Variants in KLHL33 observed in about 807,000 individuals in gnomAD.
The protein encoded by KLHL33 is kelch like family member 33, also known as kelch-like protein 33.
In KLHL33, 46 loss-of-function variants were observed where a neutral mutation model predicts 60.8. That is an observed-to-expected ratio of 0.76 (90% CI 0.60 to 0.97). The LOEUF is 0.97. Ranked by LOEUF, KLHL33 falls within the 50% of genes least tolerant of loss-of-function variation. The probability of loss-of-function intolerance (pLI) is 0.00; values close to 1 mark genes in which losing one functional copy is unlikely to be tolerated. For synonymous variants in KLHL33, 434 were observed against 432.2 expected, an observed-to-expected ratio of 1.00 and a Z score of -0.05; for missense variants, 1,055 against 1,000.0, an observed-to-expected ratio of 1.05 and a Z score of -0.74.
Position 20,435,616 on chromosome 14 carries a change from G to T in KLHL33, c.196C>A (p.Pro66Thr), listed in dbSNP as rs1342521910. 1.6e-6 allele frequency: 2 copies of T among 1,234,568 alleles called. No individual in the cohort carries two copies. Among genetic ancestry groups the T allele is most frequent in the Non-Finnish European group, 2.0e-6 (2 of 988,352 alleles). 76.5% of individuals were successfully genotyped at this position (1,234,568 alleles called of 1,614,324 possible). ...TCCTCTAGGGACAAGGCTGGAAAGG[G>T]AAGGTTCCTTGGGACCAGGGGCCTG... Reference protein sequence around the residue: ...GSRPLVPRNLPFPALSLEEEE... With the variant: ...GSRPLVPRNLTFPALSLEEEE... Residue 66 changes from proline to threonine, a missense_variant, in exon 2 of 5, where the codon CCC becomes ACC. Coordinates refer to ENST00000636854, the MANE Select transcript of KLHL33 (RefSeq NM_001365790.2).
At chr14:20,431,609 TC>T (rs1880511376) in intron 2 of KLHL33, among the ~76,000 whole-genome samples, 1 of 152,142 alleles carries the variant, frequency 6.6e-6, no homozygotes, top group Admixed American at 6.5e-5. Flanking sequence ...GCGCCTGTAA[TC>T]CCAGCTACTT....
Position 20,428,884 on chromosome 14 carries a change from C to A in KLHL33, c.2359G>T (p.Val787Phe), listed in dbSNP as rs1566498481. 1 of 1,551,664 alleles carries A rather than the reference C, an allele frequency of 6.4e-7. No homozygotes were observed. Among genetic ancestry groups the A allele is most frequent in the East Asian group, 2.4e-5 (1 of 40,924 alleles). ...GGTTTGGTTTGGTGTGGGGTGGGAA[C>A]CAAAGCTATGTGCTGCACAGCGGGC... ...TLPAVQHIAL[V>F]PTPHQTKPAG The change falls in exon 5 of 5, where the codon GTT (valine) becomes TTT (phenylalanine). Residue 787 changes from valine to phenylalanine, a missense_variant. Physicochemically the swap from Val to Phe is conservative, Grantham distance 50. Transcript: ENST00000636854.
chr14:20,430,791 T>TACTCGAAGTTTGGCCAA, intron 2 of KLHL33, 72 bp from the exon 3 acceptor site: 1 of 1,041,746 alleles, frequency 9.6e-7, no homozygotes, highest in Non-Finnish European at 1.4e-6. Flanking sequence ...CCCAACTTGG[T>TACTCGAAGTTTGGCCAA]ACTCTAAGTT....
At position 20,435,299 on chromosome 14, in the gene KLHL33, C is replaced by T. The variant is rs1880650654; in HGVS notation, c.513G>A (p.Gly171=). The T allele has an allele frequency of 8.1e-7, 1 of 1,234,450 alleles. No homozygotes were observed. The highest frequency in any genetic ancestry group is 1.0e-6 in the Non-Finnish European group (1 of 988,226). 76.5% of individuals were successfully genotyped at this position (1,234,450 alleles called of 1,614,324 possible). Residue 171 remains glycine, a synonymous_variant, in exon 2 of 5, where the codon GGG becomes GGA. Coordinates refer to ENST00000636854, the MANE Select transcript of KLHL33 (RefSeq NM_001365790.2). ...CCCCCTGCGAGGCGGGGCCCAGCAC[C>T]CCCTCATAGGCAAAGGTCAGCACGG... is the stretch of plus-strand genomic sequence containing the variant. ...WEAVLTFAYE[G]VLGPASQGDV... is the part of the protein sequence containing the mutation.
chr14:20,432,406 C>T (rs1006522591), intron 2 of KLHL33, among the ~76,000 whole-genome samples: 1 of 151,652 alleles, frequency 6.6e-6, no homozygotes, highest in African/African-American at 2.4e-5. Context: ...AGCCACTATG[C>T]CTGGCCCAGG....
intron 2 of KLHL33, among the ~76,000 whole-genome samples, chr14:20,432,898 G>T (rs1241982408): frequency 2.6e-5 from 3 of 113,262 alleles, no homozygotes; most frequent in Non-Finnish European, 5.3e-5. Context: ...CTCCAGCCTG[G>T]GTGACAGAAC....
chr14:20,432,941 A>AGAAAGAAAGAAG (rs1880560424), intron 2 of KLHL33, among the ~76,000 whole-genome samples: 2 of 150,146 alleles, frequency 1.3e-5, no homozygotes, highest in Non-Finnish European at 3.0e-5. Flanking sequence ...AAAGAAAGAA[A>AGAAAGAAAGAAG]GAAAGAAAGA....
Position 20,430,393 on chromosome 14 carries a change from G to T in KLHL33, c.1075C>A (p.Arg359Ser), listed in dbSNP as rs777136277. 2.6e-6 allele frequency: 4 copies of T among 1,551,674 alleles called. No individual in the cohort carries two copies. The highest frequency in any genetic ancestry group is 1.4e-5 in the African/African-American group (1 of 73,066). The change falls in exon 3 of 5, where the codon CGT becomes AGT. Residue 359 changes from arginine (R) to serine (S), a missense_variant. Transcript: ENST00000636854. The stretch of plus-strand genomic sequence containing the variant: ...GGCAGGTGGGTGAGGAGGTAGTGAC[G>T]GGCTTTGCTCCAGAGCCTCTCCAAC... ...PGLERLWSKA[R>S]HYLLTHLPAV...
chr14:20,430,057 GCTCCCT>G lies in KLHL33; in HGVS notation c.1405_1410del (p.Arg469_Glu470del). 3 of 1,551,760 alleles carry G rather than the reference GCTCCCT, an allele frequency of 1.9e-6. 1 individual carries two copies. In the South Asian group the frequency reaches 3.6e-5, roughly 18 times the overall value. ...CCAATCACTACCAGTGCCCGGTCAG[GCTCCCT>G]CCGTCTCTCTTGGCCTGGAACATCA... On this transcript the variant is annotated inframe_deletion, in exon 3 of 5. Coordinates refer to ENST00000636854, the MANE Select transcript of KLHL33 (RefSeq NM_001365790.2).
Position 20,430,256 on chromosome 14 carries a change from T to C in KLHL33, c.1212A>G (p.Ala404=). The C allele has an allele frequency of 6.4e-7, 1 of 1,551,552 alleles. No individual in the cohort carries two copies. Among genetic ancestry groups the C allele is most frequent in the Non-Finnish European group, 8.7e-7 (1 of 1,146,976 alleles). The part of the protein sequence containing the change: ...VQEEFEAFVA[A]RCWLAANPET... ...CGGGGTTGGCAGCCAGCCAACACCG[T>C]GCAGCCACAAAGGCCTCAAACTCCT... Residue 404 remains alanine, a synonymous_variant, in exon 3 of 5, where the codon GCA becomes GCG. Transcript: ENST00000636854.
Position 20,429,357 on chromosome 14 carries a change from G to C in KLHL33, c.1886C>G (p.Ala629Gly). 2 of 1,551,730 alleles carry C rather than the reference G, an allele frequency of 1.3e-6. No individual in the cohort carries two copies. Among genetic ancestry groups the C allele is most frequent in the East Asian group, 4.9e-5 (2 of 40,912 alleles). ...CACGTACAACTGGCCCTCCAAAATC[G>C]CAGCTGCGTGGGCAAAACATGGTGC... The part of the protein sequence containing the change: ...LPAPCFAHAA[A>G]ILEGQLYVSG... The change falls in exon 5 of 5, where the codon GCG becomes GGG. Residue 629 changes from alanine (A) to glycine (G), a missense_variant. Physicochemically the swap from Ala to Gly is moderately conservative, Grantham distance 60. Transcript: ENST00000636854.
chr14:20,426,516 A>AAAAGAAAAGG lies in KLHL33; in HGVS notation c.*2332_*2333insCCTTTTCTTT, dbSNP rs1880276803. Reference sequence around the variant, plus strand: ...TCTCAAAAAAAAAAAAAAAAAAAAGAAAAAGAAAATTGACAACAGGTGCTG... The same window carrying AAAAGAAAAGG: ...TCTCAAAAAAAAAAAAAAAAAAAAGAAAAGAAAAGGAAAAGAAAATTGACAACAGGTGCTG... On this transcript the variant is annotated 3_prime_UTR_variant, in exon 5 of 5. Coordinates refer to ENST00000636854, the MANE Select transcript of KLHL33 (RefSeq NM_001365790.2). The AAAAGAAAAGG allele has an allele frequency of 6.7e-6, 1 of 150,326 alleles. No individual in the cohort carries two copies. Among genetic ancestry groups the AAAAGAAAAGG allele is most frequent in the South Asian group, 2.1e-4 (1 of 4,794 alleles). The allele number at this position is 150,326 out of a possible 1,614,324, so 9.3% of individuals were successfully genotyped here. A position where few individuals can be genotyped will look rare whatever the true frequency, so the allele number is the denominator to read the frequency against.
Position 20,428,892 on chromosome 14 carries a change from A to G in KLHL33, c.2351T>C (p.Ile784Thr). 1 of 1,551,684 alleles carries G rather than the reference A, an allele frequency of 6.4e-7. No homozygotes were observed. The highest frequency in any genetic ancestry group is 1.4e-5 in the African/African-American group (1 of 73,166). ...CILTLPAVQH[I>T]ALVPTPHQTK... is the part of the protein sequence containing the mutation. ...TTGGTGTGGGGTGGGAACCAAAGCT[A>G]TGTGCTGCACAGCGGGCAGTGTCAG... Residue 784 changes from isoleucine (I) to threonine (T), a missense_variant, in exon 5 of 5, where the codon ATA becomes ACA. By Grantham distance (89) the Ile-to-Thr change is moderately conservative. Transcript: ENST00000636854.
In KLHL33 at chr14:20,428,369, G is replaced by T; in HGVS notation, c.*480C>A. On this transcript the variant is annotated 3_prime_UTR_variant, in exon 5 of 5. Transcript: ENST00000636854. ...GAAGGTTTAGGCATCCCAGGGGTGGGAGAGGAGAAAGGAGCAAGTTCCAGG... is the reference window on the plus strand; with the variant it reads ...GAAGGTTTAGGCATCCCAGGGGTGGTAGAGGAGAAAGGAGCAAGTTCCAGG... 6.5e-6 allele frequency: 1 copy of T among 154,616 alleles called. No individual in the cohort carries two copies. Among genetic ancestry groups the T allele is most frequent in the Non-Finnish European group, 1.4e-5 (1 of 69,672 alleles). 9.6% of individuals were successfully genotyped at this position (154,616 alleles called of 1,614,324 possible). A position where few individuals can be genotyped will look rare whatever the true frequency, so the allele number is the denominator to read the frequency against.
In KLHL33 at chr14:20,429,616, C is replaced by T. The variant is rs987217920; in HGVS notation, c.1727G>A (p.Arg576Gln). Reference protein sequence around the residue: ...WEEMAPLSQARSLFSLVALDG... With the variant: ...WEEMAPLSQAQSLFSLVALDG... ...CAGTGCCACCAAGGAGAAAAGGCTTCGAGCCTGGGACAAAGGAGCCATCTC... is the reference window on the plus strand; with the variant it reads ...CAGTGCCACCAAGGAGAAAAGGCTTTGAGCCTGGGACAAAGGAGCCATCTC... Residue 576 changes from arginine to glutamine, a missense_variant, in exon 4 of 5, where the codon CGA becomes CAA. By Grantham distance (43) the Arg-to-Gln change is conservative. Transcript: ENST00000636854. The T allele has an allele frequency of 1.3e-5, 20 of 1,551,706 alleles. No homozygotes were observed. Among genetic ancestry groups the T allele is most frequent in the African/African-American group, 6.9e-5 (5 of 72,982 alleles).
intron 2 of KLHL33, among the ~76,000 whole-genome samples, chr14:20,433,102 A>G (rs1223463030): frequency 2.0e-5 from 3 of 152,182 alleles, no homozygotes; most frequent in Admixed American, 2.0e-4. Context: ...GTCTTCTTTT[A>G]AAAAGATACA....
At chr14:20,433,680 C>G (rs1044913987) in intron 2 of KLHL33, among the ~76,000 whole-genome samples, 2 of 152,108 alleles carry the variant, frequency 1.3e-5, no homozygotes, top group Non-Finnish European at 1.5e-5. Flanking sequence ...GGAATATTTC[C>G]TAGGGAAATA....
chr14:20,426,494 C>CAAAAA lies in KLHL33; in HGVS notation c.*2350_*2354dup. Reference sequence around the variant, plus strand: ...TGGGCAACAGAGTAAAACTCTGTCTCAAAAAAAAAAAAAAAAAAAAGAAAA... The same window carrying CAAAAA: ...TGGGCAACAGAGTAAAACTCTGTCTCAAAAAAAAAAAAAAAAAAAAAAAAAGAAAA... On this transcript the variant is annotated 3_prime_UTR_variant, in exon 5 of 5. Coordinates refer to ENST00000636854, the MANE Select transcript of KLHL33 (RefSeq NM_001365790.2). The CAAAAA allele has an allele frequency of 2.5e-5, 1 of 39,280 alleles. No individual in the cohort carries two copies. The highest frequency in any genetic ancestry group is 1.1e-3 in the East Asian group (1 of 898). The allele number at this position is 39,280 out of a possible 1,614,324, so 2.4% of individuals were successfully genotyped here.
chr14:20,430,214 C>T lies in KLHL33; in HGVS notation c.1254G>A (p.Glu418=), dbSNP rs1027802948. ...GGACACATCGCAGCAGGGCCTTGGCCTCTGACTCCTGGGTCTCGGGGTTGG... is the reference window on the plus strand; with the variant it reads ...GGACACATCGCAGCAGGGCCTTGGCTTCTGACTCCTGGGTCTCGGGGTTGG... The part of the protein sequence containing the change: ...LAANPETQES[E]AKALLRCVRF... The change falls in exon 3 of 5, where the codon GAG becomes GAA. Residue 418 remains glutamate, a synonymous_variant. Coordinates refer to ENST00000636854, the MANE Select transcript of KLHL33 (RefSeq NM_001365790.2). 4 of 1,551,588 alleles carry T rather than the reference C, an allele frequency of 2.6e-6. No individual in the cohort carries two copies. The highest frequency in any genetic ancestry group is 3.5e-6 in the Non-Finnish European group (4 of 1,147,002).
Sources: gnomAD v4.1 joint callset for allele counts (sites outside exome capture counted in the v4.1 genomes callset) on GRCh38, gnomAD v4.1.1 for gene constraint, MANE v1.5 for transcripts, NCBI Gene and HGNC (gene_info 2026-07-23, HGNC 2026-07-21) for gene names.